SMARCA4: variants seen among roughly 807,000 people sequenced by gnomAD.
SMARCA4 encodes SWI/SNF-related matrix-associated actin-dependent regulator of chromatin subfamily A member 4.
Under a neutral mutation model 193.9 loss-of-function variants are expected in SMARCA4, and 31 were observed. The ratio of observed to expected loss-of-function variants is 0.16; its 90% CI spans 0.12 to 0.22. SMARCA4 has a LOEUF of 0.22. Among genes scored for constraint, SMARCA4 ranks in the 10% least tolerant of loss-of-function variants. The pLI is 1.00. For synonymous variants in SMARCA4, 942 were observed against 933.1 expected, an observed-to-expected ratio of 1.01 and a Z score of -0.17; for missense variants, 1,148 against 2,296.0, an observed-to-expected ratio of 0.50 and a Z score of 10.22.
rs2146825766 is a variant in SMARCA4 at position 11,041,600 on chromosome 19, C to A, written c.4424+40C>A. The A allele has an allele frequency of 6.3e-7, 1 of 1,593,658 alleles. No individual in the cohort carries two copies. Among genetic ancestry groups the A allele is most frequent in the East Asian group, 2.2e-5 (1 of 44,660 alleles). ...GGGGAGGGCGGGGGCTGTAGGGGTC[C>A]CCGTGGGAGCAGGCCTGGCATCTGC... On this transcript the variant is annotated intron_variant, in intron 30 of 34. Coordinates refer to ENST00000344626, the MANE Select transcript of SMARCA4 (RefSeq NM_003072.5). This position sits in a 1 kb window ranked among gnomAD's most constrained non-coding sequence, Gnocchi z 5.6.
chr19:11,061,472 A>T (rs1263652998), intron 34 of SMARCA4, among the ~76,000 whole-genome samples: 2 of 151,812 alleles, frequency 1.3e-5, no homozygotes, highest in Non-Finnish European at 2.9e-5. Context: ...ACCCCCCGGG[A>T]TCGCGCCATT....
chr19:11,059,045 C>T (rs1157614218), intron 32 of SMARCA4, 156 bp downstream of exon 32: 11 of 647,810 alleles, frequency 1.7e-5, no homozygotes, highest in African/African-American at 3.6e-5. Flanking sequence ...GAGGCCAAGG[C>T]GGGAGGATCA....
At chr19:11,061,328 T>C (rs7251594) in intron 34 of SMARCA4, among the ~76,000 whole-genome samples, 26,787 of 148,314 alleles carry the variant, frequency 0.18, 3,763 homozygotes, top group African/African-American at 0.4. Context: ...GCAGGTGACA[T>C]GGGACAGAGC....
At chr19:11,028,665 G>A (rs575819252) in intron 24 of SMARCA4, among the ~76,000 whole-genome samples, 14 of 152,346 alleles carry the variant, frequency 9.2e-5, no homozygotes, top group South Asian at 4.1e-4. Context: ...AAAGGTCACC[G>A]CCTGTGTTTC....
chr19:10,966,623 A>G (rs892265968), intron 1 of SMARCA4, among the ~76,000 whole-genome samples: 3 of 143,918 alleles, frequency 2.1e-5, no homozygotes, highest in Admixed American at 1.4e-4. Context: ...GCGGTGGCTC[A>G]TGCCTGTATT....
intron 7 of SMARCA4, among the ~76,000 whole-genome samples, chr19:10,989,705 CTTTTTT>C (rs377263433): frequency 7.0e-6 from 1 of 142,184 alleles, no homozygotes; most frequent in Non-Finnish European, 1.5e-5. Flanking sequence ...TTCCCTTTCC[CTTTTTT>C]TTTTTTTTTG....
chr19:10,992,291 A>G (rs1461815018), intron 8 of SMARCA4, among the ~76,000 whole-genome samples: 1 of 143,630 alleles, frequency 7.0e-6, no homozygotes, highest in African/African-American at 2.6e-5. Flanking sequence ...TTTTTTTTGT[A>G]TTTTTAGTAG....
chr19:11,005,509 G>T (rs1184069653), intron 13 of SMARCA4, among the ~76,000 whole-genome samples: 1 of 152,108 alleles, frequency 6.6e-6, no homozygotes, highest in African/African-American at 2.4e-5. Context: ...GGCCATTGTC[G>T]GGTTCTCCCT....
At position 11,033,846 on chromosome 19, in the gene SMARCA4, T is replaced by C. The variant is rs753072911; in HGVS notation, c.3854T>C (p.Leu1285Ser). The C allele has an allele frequency of 2.6e-6, 2 of 779,348 alleles. No homozygotes were observed. Among genetic ancestry groups the C allele is most frequent in the African/African-American group, 3.4e-5 (2 of 59,120 alleles). 48.3% of individuals were successfully genotyped at this position (779,348 alleles called of 1,614,324 possible). A position where few individuals can be genotyped will look rare whatever the true frequency, so the allele number is the denominator to read the frequency against. Residue 1285 changes from leucine to serine, a missense_variant, in exon 27 of 35, where the codon TTG (leucine) becomes TCG (serine). Physicochemically the swap from Leu to Ser is moderately radical, Grantham distance 145. Coordinates refer to ENST00000344626, the MANE Select transcript of SMARCA4 (RefSeq NM_003072.5). This position sits in a 1 kb window ranked among gnomAD's most constrained non-coding sequence, Gnocchi z 9.8. ...CCGCCAGCGGGCGTCAACCCCGACT[T>C]GGAGGAGCCACCTCTAAAGGTGAGA... ...APPPAGVNPDLEEPPLKEEDE... is the reference protein window; with the variant it reads ...APPPAGVNPDSEEPPLKEEDE...
chr19:11,060,588 T>G, intron 34 of SMARCA4: 1 of 298,444 alleles, frequency 3.4e-6, no homozygotes. Context: ...GCATAGAGAA[T>G]GGGCAGAAAC....
At chr19:10,990,102 G>A (rs768986857) in intron 7 of SMARCA4, among the ~76,000 whole-genome samples, 8 of 152,202 alleles carry the variant, frequency 5.3e-5, no homozygotes, top group Non-Finnish European at 8.8e-5. Flanking sequence ...TCCTCCTCCC[G>A]CTTCAGCCTC....
Position 10,987,039 on chromosome 19 carries a change from C to T in SMARCA4, c.859+36C>T. On this transcript the variant is annotated intron_variant, in intron 5 of 34. Coordinates refer to ENST00000344626, the MANE Select transcript of SMARCA4 (RefSeq NM_003072.5). This position sits in a 1 kb window ranked among gnomAD's most constrained non-coding sequence, Gnocchi z 5.3. ...TCTTCTATGGTGGTGCACCCGTGCC[C>T]TTACTCCCCATCTCAAGCTTGGGTC... 1 of 1,459,734 alleles carries T rather than the reference C, an allele frequency of 6.9e-7. No individual in the cohort carries two copies. The highest frequency in any genetic ancestry group is 9.5e-7 in the Non-Finnish European group (1 of 1,052,746). The allele number at this position is 1,459,734 out of a possible 1,614,324, so 90.4% of individuals were successfully genotyped here.
At position 11,034,628 on chromosome 19, in the gene SMARCA4, C is replaced by T. The variant is rs546699175; in HGVS notation, c.3952-286C>T. Among the ~76,000 whole-genome samples the T allele has an allele frequency of 6.6e-5, 10 of 152,302 alleles. No homozygotes were observed. The highest frequency in any genetic ancestry group is 1.3e-4 in the Non-Finnish European group (9 of 68,018). ...CCCGCAGGCCTCATGCCTCCACCAA[C>T]GCTGGGCCACGCAGCTGCTGCCCCC... On this transcript the variant is annotated intron_variant, in intron 28 of 34. Transcript: ENST00000344626. This position sits in a 1 kb window ranked among gnomAD's most constrained non-coding sequence, Gnocchi z 7.0.
intron 30 of SMARCA4, among the ~76,000 whole-genome samples, chr19:11,047,365 G>A (rs1008569055): frequency 3.3e-5 from 5 of 151,654 alleles, no homozygotes; most frequent in South Asian, 2.1e-4. Context: ...TCCCGGTGAC[G>A]TTGACACAGA....
intron 30 of SMARCA4, among the ~76,000 whole-genome samples, chr19:11,046,735 C>T (rs1297316986): frequency 6.6e-6 from 1 of 152,048 alleles, no homozygotes; most frequent in Non-Finnish European, 1.5e-5. Flanking sequence ...GCTTGTGGAT[C>T]CCTTGAGACC....
At chr19:10,989,506 G>C (rs901346720) in intron 7 of SMARCA4, 63 bp downstream of exon 7, 3 of 1,595,666 alleles carry the variant, frequency 1.9e-6, no homozygotes, top group South Asian at 1.1e-5. Flanking sequence ...TGCTGCTAAG[G>C]CTCCAAATAC....
intron 29 of SMARCA4, chr19:11,040,066 C>G (rs1028069590): frequency 2.0e-5 from 3 of 151,076 alleles, no homozygotes; most frequent in African/African-American, 7.3e-5. Flanking sequence ...GGTGACAGAG[C>G]GAGACTGCGT....
chr19:11,046,887 G>A (rs1240388037), intron 30 of SMARCA4, among the ~76,000 whole-genome samples: 4 of 149,018 alleles, frequency 2.7e-5, no homozygotes, highest in East Asian at 2.0e-4. Context: ...AGTCAAGGCC[G>A]CAGTGGGGTA....
rs2089900213 is a variant in SMARCA4 at position 11,021,883 on chromosome 19, C to A, written c.2775C>A (p.Leu925=). Residue 925 remains leucine, a synonymous_variant, in exon 19 of 35, where the codon CTC becomes CTA. Coordinates refer to ENST00000344626, the MANE Select transcript of SMARCA4 (RefSeq NM_003072.5). ...AGCTTCCCGAGCTCTGGGCGCTGCTCAACTTCCTGCTGCCCACCATCTTCA... is the reference window on the plus strand; with the variant it reads ...AGCTTCCCGAGCTCTGGGCGCTGCTAAACTTCCTGCTGCCCACCATCTTCA... ...QNKLPELWAL[L]NFLLPTIFKS... is the part of the protein sequence containing the mutation. 6.2e-7 allele frequency: 1 copy of A among 1,613,810 alleles called. No homozygotes were observed. The highest frequency in any genetic ancestry group is 8.5e-7 in the Non-Finnish European group (1 of 1,180,038).
Sources: allele counts gnomAD v4.1 joint callset (sites outside exome capture counted in the v4.1 genomes callset), GRCh38; gene constraint gnomAD v4.1.1; non-coding constraint Gnocchi (gnomAD v3.1); transcripts MANE v1.5; gene names NCBI Gene and HGNC (gene_info 2026-07-23, HGNC 2026-07-21).